USP32: variants seen among roughly 807,000 people sequenced by gnomAD.
The protein encoded by USP32 is ubiquitin carboxyl-terminal hydrolase 32.
Under a neutral mutation model 204.8 loss-of-function variants are expected in USP32, and 59 were observed. That is an observed-to-expected ratio of 0.29 (90% CI 0.23 to 0.36). USP32 has a LOEUF of 0.36. USP32 is among the 10% of genes least tolerant of loss of function. The pLI is 1.00. For missense variants in USP32, 1,160 were observed against 1,946.4 expected (o/e 0.60, Z 7.60); for synonymous variants, 517 against 678.4 (o/e 0.76, Z 3.70).
chr17:60,386,302 C>T (rs1403721448), intron 1 of USP32, among the ~76,000 whole-genome samples: 1 of 151,000 alleles, frequency 6.6e-6, no homozygotes, highest in Admixed American at 6.6e-5. Flanking sequence ...ATAAAAAGAA[C>T]TGTCAGTCCC....
At chr17:60,285,740 G>A (rs1334955625) in intron 5 of USP32, among the ~76,000 whole-genome samples, 1 of 152,102 alleles carries the variant, frequency 6.6e-6, no homozygotes, top group African/African-American at 2.4e-5. Context: ...GCAAGAAAAG[G>A]TTTCATGAAA....
chr17:60,234,116 A>ATT (rs151158730), intron 12 of USP32, among the ~76,000 whole-genome samples: 2 of 141,764 alleles, frequency 1.4e-5, no homozygotes, highest in African/African-American at 2.6e-5. Flanking sequence ...AGCATGACTA[A>ATT]TTTTTTTTTT....
At chr17:60,225,967 A>G (rs2085375233) in intron 13 of USP32, 72 bp downstream of exon 13, 3 of 1,455,518 alleles carry the variant, frequency 2.1e-6, no homozygotes, top group African/African-American at 3.0e-5. Context: ...AAAAAAAAAA[A>G]AAAGAAAAGA....
At chr17:60,263,023 A>G (rs554404650) in intron 9 of USP32, among the ~76,000 whole-genome samples, 4 of 151,844 alleles carry the variant, frequency 2.6e-5, no homozygotes, top group Non-Finnish European at 5.9e-5. Context: ...ATCATGGCAC[A>G]CTGCAGCCTT....
At chr17:60,264,519 AAAAC>A (rs959639815) in intron 9 of USP32, among the ~76,000 whole-genome samples, 2 of 150,314 alleles carry the variant, frequency 1.3e-5, no homozygotes, top group African/African-American at 2.5e-5. Context: ...TGTCTCCAAA[AAAAC>A]AAACAGACAA....
At chr17:60,235,268 C>T (rs1201242275) in intron 12 of USP32, among the ~76,000 whole-genome samples, 4 of 152,098 alleles carry the variant, frequency 2.6e-5, no homozygotes, top group Non-Finnish European at 5.9e-5. Context: ...ATGCTGTACC[C>T]CAATATTCTC....
chr17:60,299,993 C>T (rs995877167), intron 3 of USP32, among the ~76,000 whole-genome samples: 1 of 152,116 alleles, frequency 6.6e-6, no homozygotes, highest in African/African-American at 2.4e-5. Flanking sequence ...ATGACCTAAT[C>T]ACCTCCCACA....
chr17:60,226,528 TA>T (rs2085394871), intron 12 of USP32, among the ~76,000 whole-genome samples: 1 of 152,188 alleles, frequency 6.6e-6, no homozygotes, highest in African/African-American at 2.4e-5. Context: ...AAATAAAGCT[TA>T]AATTTTTTTC....
At chr17:60,354,262 G>A (rs2089018463) in intron 1 of USP32, among the ~76,000 whole-genome samples, 1 of 152,042 alleles carries the variant, frequency 6.6e-6, no homozygotes, top group Non-Finnish European at 1.5e-5. Flanking sequence ...AGTCTCTTGA[G>A]AGCAAAGACC....
At position 60,265,724 on chromosome 17, in the gene USP32, T is replaced by C. The variant is rs552289852; in HGVS notation, c.928-250A>G. ...TGCTCAAGTATTTTTATAATTACCA[T>C]AGATTCTCATATATGATTAAAAATT... On this transcript the variant is annotated intron_variant, in intron 8 of 33. Transcript: ENST00000300896. Among the ~76,000 whole-genome samples, 3 of 152,300 alleles carry C rather than the reference T, an allele frequency of 2.0e-5. No individual in the cohort carries two copies. The East Asian group carries it at 5.8e-4, about 29-fold the overall frequency.
chr17:60,367,948 G>T (rs2089351331), intron 1 of USP32, among the ~76,000 whole-genome samples: 1 of 151,664 alleles, frequency 6.6e-6, no homozygotes, highest in African/African-American at 2.4e-5. Context: ...CACTTACACT[G>T]TATTAGGAAT....
chr17:60,317,533 G>T (rs941925266), intron 2 of USP32, among the ~76,000 whole-genome samples: 4 of 144,774 alleles, frequency 2.8e-5, no homozygotes, highest in South Asian at 2.2e-4. Context: ...AAAAAAAAAA[G>T]TTAAAATGGT....
intron 14 of USP32, 118 bp from the exon 15 acceptor site, chr17:60,222,667 G>A: frequency 1.2e-6 from 1 of 838,476 alleles, no homozygotes; most frequent in Non-Finnish European, 1.8e-6. Context: ...CATGTTGCTG[G>A]AAAAACTTAA....
chr17:60,290,157 T>G (rs776960324), intron 4 of USP32, among the ~76,000 whole-genome samples: 14 of 152,208 alleles, frequency 9.2e-5, no homozygotes, highest in Non-Finnish European at 1.9e-4. Flanking sequence ...GCTGCTGAGA[T>G]GACTTGCTGC....
chr17:60,181,357 A>G lies in USP32; in HGVS notation c.4515T>C (p.Arg1505=). The G allele has an allele frequency of 1.2e-6, 2 of 1,613,442 alleles. No individual in the cohort carries two copies. Among genetic ancestry groups the G allele is most frequent in the Non-Finnish European group, 1.7e-6 (2 of 1,179,858 alleles). Residue 1505 remains arginine, a synonymous_variant, in exon 32 of 34, where the codon CGT becomes CGC. Transcript: ENST00000300896. ...DSTDDQREDT[R]IKPIYNLYAI... is the part of the protein sequence containing the mutation. ...CATATAGATTATAAATAGGCTTAATACGAGTATCTTCTCTTTGGTCATCAG... is the reference window on the plus strand; with the variant it reads ...CATATAGATTATAAATAGGCTTAATGCGAGTATCTTCTCTTTGGTCATCAG...
intron 12 of USP32, among the ~76,000 whole-genome samples, chr17:60,228,885 C>T (rs1340559954): frequency 2.7e-5 from 4 of 150,642 alleles, no homozygotes; most frequent in African/African-American, 9.8e-5. Flanking sequence ...CCAGGCTGGT[C>T]TCAAACTCTA....
chr17:60,212,692 T>TAATG (rs1312436432), intron 18 of USP32, among the ~76,000 whole-genome samples: 2 of 151,936 alleles, frequency 1.3e-5, no homozygotes, highest in African/African-American at 4.8e-5. Flanking sequence ...ATGGAATTTC[T>TAATG]TATACTTAAA....
intron 1 of USP32, among the ~76,000 whole-genome samples, chr17:60,374,827 T>C (rs2146097692): frequency 6.6e-6 from 1 of 152,344 alleles, no homozygotes; most frequent in East Asian, 1.9e-4. Context: ...ACTATTATCT[T>C]ATGGGATCAC....
At chr17:60,379,170 G>C (rs1567885938) in intron 1 of USP32, among the ~76,000 whole-genome samples, 1 of 152,066 alleles carries the variant, frequency 6.6e-6, no homozygotes, top group African/African-American at 2.4e-5. Context: ...AAAGATATGA[G>C]AAAAGCTGCA....
Sources: gnomAD v4.1 joint callset for allele counts (sites outside exome capture counted in the v4.1 genomes callset) on GRCh38, gnomAD v4.1.1 for gene constraint, MANE v1.5 for transcripts, NCBI Gene and HGNC (gene_info 2026-07-23, HGNC 2026-07-21) for gene names.